CEP128: variants seen among roughly 807,000 people sequenced by gnomAD.
CEP128 encodes the protein centrosomal protein 128.
In CEP128, 132 loss-of-function variants were observed where a neutral mutation model predicts 156.7. The ratio of observed to expected loss-of-function variants is 0.84; its 90% CI spans 0.73 to 0.97. CEP128 has a LOEUF of 0.97. Ranked by LOEUF, CEP128 falls within the 50% of genes least tolerant of loss-of-function variation. The probability of loss-of-function intolerance (pLI) is 0.00; values close to 1 mark genes in which losing one functional copy is unlikely to be tolerated. For synonymous variants in CEP128, 469 were observed against 448.9 expected (o/e 1.04, Z -0.57); for missense variants, 1,252 against 1,281.9 (o/e 0.98, Z 0.36).
At position 80,914,398 on chromosome 14, in the gene CEP128, C is replaced by T. The variant is rs773176160; in HGVS notation, c.158G>A (p.Arg53Gln). The change falls in exon 4 of 25, where the codon CGG (arginine) becomes CAG (glutamine). Residue 53 changes from arginine to glutamine, a missense_variant. Physicochemically the swap from Arg to Gln is conservative, Grantham distance 43. Coordinates refer to ENST00000555265, the MANE Select transcript of CEP128 (RefSeq NM_152446.5). ...TITSTLQDTS[R>Q]NLRQVDQMLG... ...CATCTGGTCCACTTGTCGCAGGTTC[C>T]GACTGGTATCCTTGAGAAAGAAAAT... 8.1e-6 allele frequency: 13 copies of T among 1,612,830 alleles called. No individual in the cohort carries two copies. Among genetic ancestry groups the T allele is most frequent in the South Asian group, 6.6e-5 (6 of 91,040 alleles).
intron 2 of CEP128, among the ~76,000 whole-genome samples, chr14:80,933,720 A>C (rs1039691950): frequency 5.3e-5 from 8 of 152,170 alleles, no homozygotes; most frequent in African/African-American, 1.9e-4. Context: ...CAAATACGTC[A>C]AGTAGGAAAA....
At chr14:80,762,497 T>A (rs1379867862) in intron 16 of CEP128, among the ~76,000 whole-genome samples, 1 of 151,534 alleles carries the variant, frequency 6.6e-6, no homozygotes, top group Non-Finnish European at 1.5e-5. Context: ...TGAAAAAAAA[T>A]AACAAGGAGA....
At position 80,579,630 on chromosome 14, in the gene CEP128, G is replaced by A. The variant is rs147391092; in HGVS notation, c.2856+744C>T. On this transcript the variant is annotated intron_variant, in intron 20 of 24. Coordinates refer to ENST00000555265, the MANE Select transcript of CEP128 (RefSeq NM_152446.5). The stretch of plus-strand genomic sequence containing the variant: ...TGACATCACTCTCCAGTCTTGCCTT[G>A]TAGCTCCAGGCCCATGAAGAACTCT... Among the ~76,000 whole-genome samples the A allele has an allele frequency of 1.9e-4, 29 of 152,232 alleles. No homozygotes were observed. In the East Asian group the frequency reaches 5.2e-3, roughly 27 times the overall value.
chr14:80,909,493 A>G (rs1260994770), intron 4 of CEP128, among the ~76,000 whole-genome samples: 1 of 152,052 alleles, frequency 6.6e-6, no homozygotes, highest in Non-Finnish European at 1.5e-5. Flanking sequence ...CACTTCCCCA[A>G]AATCTAATCT....
chr14:80,907,167 G>A (rs893541049), intron 4 of CEP128, among the ~76,000 whole-genome samples: 1 of 152,038 alleles, frequency 6.6e-6, no homozygotes, highest in African/African-American at 2.4e-5. Context: ...CCCTTTTTCA[G>A]TCTGGCTATT....
At chr14:80,860,800 G>T (rs1378679762) in intron 9 of CEP128, among the ~76,000 whole-genome samples, 1 of 151,874 alleles carries the variant, frequency 6.6e-6, no homozygotes, top group Non-Finnish European at 1.5e-5. Flanking sequence ...TGCAATTTTT[G>T]TTCCTAATTT....
intron 13 of CEP128, among the ~76,000 whole-genome samples, chr14:80,803,671 C>T (rs1365041130): frequency 6.6e-6 from 1 of 152,020 alleles, no homozygotes; most frequent in Non-Finnish European, 1.5e-5. Context: ...GACACCACTC[C>T]CAAATATTCA....
chr14:80,905,834 A>G, intron 5 of CEP128, 121 bp downstream of exon 5: 1 of 872,062 alleles, frequency 1.1e-6, no homozygotes, highest in Non-Finnish European at 1.8e-6. Flanking sequence ...TGACAACTAC[A>G]TGTACTATCA....
At chr14:80,568,061 A>T (rs1256038774) in intron 20 of CEP128, among the ~76,000 whole-genome samples, 1 of 152,210 alleles carries the variant, frequency 6.6e-6, no homozygotes, top group African/African-American at 2.4e-5. Flanking sequence ...ATTTATGAGC[A>T]GGCTTGTGTC....
At chr14:80,947,953 A>G (rs867770270) in intron 2 of CEP128, among the ~76,000 whole-genome samples, 10 of 152,342 alleles carry the variant, frequency 6.6e-5, no homozygotes, top group Middle Eastern at 3.4e-3. Context: ...ATGACCACCT[A>G]CATCATTGGA....
At chr14:80,914,461 A>G (rs1354384934) in intron 3 of CEP128, 53 bp from the exon 4 acceptor site, 3 of 1,371,536 alleles carry the variant, frequency 2.2e-6, no homozygotes, top group Non-Finnish European at 3.1e-6. Context: ...TTTTTTCCTA[A>G]TCAATCTTAG....
intron 19 of CEP128, among the ~76,000 whole-genome samples, chr14:80,736,845 C>T (rs113918523): frequency 6.6e-6 from 1 of 152,172 alleles, no homozygotes; most frequent in Non-Finnish European, 1.5e-5. Flanking sequence ...TTGACATCTG[C>T]ACAGATCTGT....
At chr14:80,824,527 C>A (rs192768599) in intron 13 of CEP128, among the ~76,000 whole-genome samples, 5 of 152,288 alleles carry the variant, frequency 3.3e-5, no homozygotes, top group African/African-American at 1.2e-4. Flanking sequence ...TTATTCTGAA[C>A]AGATATCCTA....
intron 16 of CEP128, among the ~76,000 whole-genome samples, chr14:80,768,107 TACA>T (rs773735573): frequency 2.0e-5 from 3 of 152,136 alleles, no homozygotes; most frequent in East Asian, 1.9e-4. Context: ...ATACAACCAA[TACA>T]ACAATTTTTA....
rs114949505 is a variant in CEP128, at chr14:80,782,314, C to T, written c.2211+2581G>A. Among the ~76,000 whole-genome samples, 1,196 of 152,352 alleles carry T rather than the reference C, an allele frequency of 7.9e-3. 20 individuals are homozygous for T. The highest frequency in any genetic ancestry group is 0.028 in the African/African-American group (1,149 of 41,578). ...CACAACAGCAACCACTGCATGACCACACCTTAGACCTCAACTCTGAAAATT... is the reference window on the plus strand; with the variant it reads ...CACAACAGCAACCACTGCATGACCATACCTTAGACCTCAACTCTGAAAATT... On this transcript the variant is annotated intron_variant, in intron 15 of 24. Transcript: ENST00000555265.
At chr14:80,735,093 A>G (rs977670842) in intron 19 of CEP128, among the ~76,000 whole-genome samples, 1 of 152,144 alleles carries the variant, frequency 6.6e-6, no homozygotes, top group African/African-American at 2.4e-5. Context: ...TGCCTAGGAC[A>G]CTATTTCTCT....
intron 19 of CEP128, among the ~76,000 whole-genome samples, chr14:80,647,380 T>C (rs1254578913): frequency 6.6e-6 from 1 of 151,988 alleles, no homozygotes; most frequent in Non-Finnish European, 1.5e-5. Context: ...TTCTGTTCAG[T>C]ACTTCAAATA....
chr14:80,547,783 T>C (rs965733143), intron 21 of CEP128, among the ~76,000 whole-genome samples: 1 of 150,462 alleles, frequency 6.6e-6, no homozygotes, highest in Non-Finnish European at 1.5e-5. Context: ...GACAAAAGCC[T>C]ACAAGGGAGA....
At position 80,822,478 on chromosome 14, in the gene CEP128, G is replaced by A. The variant is rs560923625; in HGVS notation, c.1209+8665C>T. The stretch of plus-strand genomic sequence containing the variant: ...ACGAACCCCTAACCAACCAAAGCCC[G>A]TGCACCACTGCATCCCGCGTCCACC... On this transcript the variant is annotated intron_variant, in intron 13 of 24. Transcript: ENST00000555265. 77 of 572,124 alleles carry A rather than the reference G, an allele frequency of 1.3e-4. 1 individual carries two copies. Among genetic ancestry groups the A allele is most frequent in the South Asian group, 7.5e-4 (51 of 68,436 alleles). 35.4% of individuals were successfully genotyped at this position (572,124 alleles called of 1,614,324 possible).
Sources: allele counts gnomAD v4.1 joint callset (sites outside exome capture counted in the v4.1 genomes callset), GRCh38; gene constraint gnomAD v4.1.1; transcripts MANE v1.5; gene names NCBI Gene and HGNC (gene_info 2026-07-23, HGNC 2026-07-21).